The following GRM7 variants were observed in gnomAD, a reference collection of about 807,000 sequenced individuals.
GRM7 encodes metabotropic glutamate receptor 7.
In GRM7, 35 loss-of-function variants were observed where a neutral mutation model predicts 84.5. The ratio of observed to expected loss-of-function variants is 0.41; its 90% CI spans 0.32 to 0.55. The LOEUF (loss-of-function observed/expected upper bound fraction) is 0.55. Ranked by LOEUF, GRM7 falls within the 20% of genes least tolerant of loss-of-function variation. The pLI is 0.19. For synonymous variants in GRM7, 487 were observed against 455.1 expected (o/e 1.07, Z -0.89); for missense variants, 1,003 against 1,194.6 (o/e 0.84, Z 2.36).
intron 8 of GRM7, among the ~76,000 whole-genome samples, chr3:7,628,641 T>G (rs2125094313): frequency 6.6e-6 from 1 of 152,206 alleles, no homozygotes; most frequent in East Asian, 1.9e-4. Flanking sequence ...TACGTCTAAC[T>G]CAGGTTTGGG....
intron 9 of GRM7, among the ~76,000 whole-genome samples, chr3:7,722,472 T>G (rs1456736496): frequency 6.7e-6 from 1 of 149,046 alleles, no homozygotes; most frequent in Non-Finnish European, 1.5e-5. Context: ...TTTGAGACAG[T>G]CTTGCTCTGT....
At chr3:7,428,231 T>C (rs115921891) in intron 5 of GRM7, among the ~76,000 whole-genome samples, 345 of 152,268 alleles carry the variant, frequency 2.3e-3, no homozygotes, top group Non-Finnish European at 3.8e-3. Context: ...TGACTAGTTA[T>C]TTTGTTATCC....
chr3:7,120,074 G>A (rs551870348), intron 1 of GRM7, among the ~76,000 whole-genome samples: 64 of 152,054 alleles, frequency 4.2e-4, no homozygotes, highest in Non-Finnish European at 7.9e-4. Context: ...AGCACAAAAA[G>A]TCTCAGAATA....
chr3:7,128,997 G>A (rs1049723853), intron 1 of GRM7, among the ~76,000 whole-genome samples: 1 of 152,178 alleles, frequency 6.6e-6, no homozygotes, highest in Non-Finnish European at 1.5e-5. Flanking sequence ...ATTCAAGAGA[G>A]TCTTTGGTAG....
chr3:7,320,200 G>T (rs1021269081), intron 4 of GRM7, among the ~76,000 whole-genome samples: 5 of 151,802 alleles, frequency 3.3e-5, no homozygotes, highest in Non-Finnish European at 5.9e-5. Flanking sequence ...GGGGAGTAAA[G>T]ATTTTTTTCT....
intron 4 of GRM7, among the ~76,000 whole-genome samples, chr3:7,349,135 GCT>G (rs535224256): frequency 4.2e-4 from 64 of 152,126 alleles, no homozygotes; most frequent in African/African-American, 1.4e-3. Flanking sequence ...AGTCTGACAG[GCT>G]CTTACAGTCG....
chr3:7,299,945 A>G (rs1011553595), intron 3 of GRM7, among the ~76,000 whole-genome samples: 6 of 151,956 alleles, frequency 3.9e-5, no homozygotes, highest in Non-Finnish European at 8.8e-5. Context: ...TATGCAATGT[A>G]TAAATTTATA....
At chr3:6,947,776 G>C (rs1698146131) in intron 1 of GRM7, among the ~76,000 whole-genome samples, 1 of 152,152 alleles carries the variant, frequency 6.6e-6, no homozygotes, top group African/African-American at 2.4e-5. Context: ...TCCTGGTTTA[G>C]TCTTGGGAGA....
Position 7,710,337 on chromosome 3 carries a change from G to A in GRM7, c.2699-30020G>A, listed in dbSNP as rs140370640. On this transcript the variant is annotated intron_variant, in intron 9 of 9. Transcript: ENST00000357716. ...AAAAACCTCAACATGAAAATGCCAC[G>A]GGACCTGTTTTTGCTGTAGCAAAAG... Among the ~76,000 whole-genome samples, 311 of 152,222 alleles carry A rather than the reference G, an allele frequency of 2.0e-3. 1 individual carries two copies. Among genetic ancestry groups the A allele is most frequent in the African/African-American group, 6.8e-3 (283 of 41,546 alleles).
chr3:7,084,650 G>A (rs1698382614), intron 1 of GRM7, among the ~76,000 whole-genome samples: 6 of 152,114 alleles, frequency 3.9e-5, no homozygotes, highest in Admixed American at 3.9e-4. Flanking sequence ...TAGTTATTGT[G>A]ATGTGTCTAT....
intron 7 of GRM7, among the ~76,000 whole-genome samples, chr3:7,540,280 A>C (rs1176505808): frequency 6.6e-6 from 1 of 152,226 alleles, no homozygotes; most frequent in Non-Finnish European, 1.5e-5. Context: ...CTTGGACATA[A>C]ATGTTCACAG....
At chr3:7,344,687 C>A (rs781725205) in intron 4 of GRM7, among the ~76,000 whole-genome samples, 2 of 152,056 alleles carry the variant, frequency 1.3e-5, no homozygotes, top group African/African-American at 2.4e-5. Context: ...AGATAAATAT[C>A]ACATGTTCTC....
chr3:7,633,406 G>A (rs377632171), intron 8 of GRM7, among the ~76,000 whole-genome samples: 98 of 152,262 alleles, frequency 6.4e-4, no homozygotes, highest in African/African-American at 1.9e-3. Context: ...AGTTTGAAAT[G>A]AGGAACTTTT....
intron 2 of GRM7, among the ~76,000 whole-genome samples, chr3:7,208,017 C>T (rs1038793148): frequency 2.0e-5 from 3 of 152,116 alleles, no homozygotes; most frequent in Admixed American, 2.0e-4. Flanking sequence ...ATATTTAGTA[C>T]AGCTGCCTTA....
At chr3:7,103,769 T>TCTTG (rs1553617375) in intron 1 of GRM7, among the ~76,000 whole-genome samples, 2 of 63,222 alleles carry the variant, frequency 3.2e-5, no homozygotes. Context: ...TTTCTTTCTT[T>TCTTG]CTTTCTTTCT....
intron 4 of GRM7, among the ~76,000 whole-genome samples, chr3:7,406,462 T>C: frequency 6.6e-6 from 1 of 151,966 alleles, no homozygotes; most frequent in Non-Finnish European, 1.5e-5. Context: ...ATCACACCAC[T>C]GCACTCCAGC....
chr3:7,254,314 A>G (rs926675482), intron 2 of GRM7, among the ~76,000 whole-genome samples: 2 of 152,152 alleles, frequency 1.3e-5, no homozygotes, highest in African/African-American at 4.8e-5. Flanking sequence ...CAATTTTGTA[A>G]CCAGTCCTAA....
chr3:7,089,170 A>G (rs1414821824), intron 1 of GRM7, among the ~76,000 whole-genome samples: 1 of 152,198 alleles, frequency 6.6e-6, no homozygotes, highest in African/African-American at 2.4e-5. Flanking sequence ...AAGAGCTTGC[A>G]CTGAGTGCCT....
At chr3:7,358,624 T>C (rs1441259104) in intron 4 of GRM7, among the ~76,000 whole-genome samples, 1 of 148,554 alleles carries the variant, frequency 6.7e-6, no homozygotes, top group Non-Finnish European at 1.5e-5. Context: ...ATCCAGTGCT[T>C]CCAAACTTTA....
Sources: gnomAD v4.1 joint callset for allele counts (sites outside exome capture counted in the v4.1 genomes callset) on GRCh38, gnomAD v4.1.1 for gene constraint, MANE v1.5 for transcripts, NCBI Gene and HGNC (gene_info 2026-07-23, HGNC 2026-07-21) for gene names.